LRRTM4: variants seen among roughly 807,000 people sequenced by gnomAD.
LRRTM4 encodes the protein leucine rich repeat transmembrane neuronal 4, also known as leucine-rich repeat transmembrane neuronal protein 4.
In LRRTM4, 25 loss-of-function variants were observed where a neutral mutation model predicts 47.6. The ratio of observed to expected loss-of-function variants is 0.53; its 90% CI spans 0.38 to 0.73. The LOEUF (loss-of-function observed/expected upper bound fraction) is 0.73, where lower values mean the gene tolerates loss of function less well. LRRTM4 is among the 30% of genes least tolerant of loss of function. The pLI is 0.00. For missense variants in LRRTM4, 638 were observed against 713.4 expected (o/e 0.89, Z 1.20); for synonymous variants, 311 against 269.5 (o/e 1.15, Z -1.51).
chr2:77,410,922 A>T, intron 3 of LRRTM4, among the ~76,000 whole-genome samples: 1 of 152,180 alleles, frequency 6.6e-6, no homozygotes, highest in East Asian at 1.9e-4. Flanking sequence ...TTTGCCAAAC[A>T]TTTGTTGGAA....
rs1491376302 is a variant in LRRTM4 at position 77,207,350 on chromosome 2, T to TTC, written c.1551+310967_1551+310968insGA. 6.2e-4 allele frequency among the ~76,000 whole-genome samples: 16 copies of TTC among 25,958 alleles called. No individual in the cohort carries two copies. In the South Asian group the frequency reaches 0.013, roughly 21 times the overall value. 17.0% of individuals were successfully genotyped at this position (25,958 alleles called of 152,430 possible). ...TGTTTTTCCTAATTTCATATATGTGTATATATATATATATATATATATACA... is the reference window on the plus strand; with the variant it reads ...TGTTTTTCCTAATTTCATATATGTGTTCATATATATATATATATATATATACA... On this transcript the variant is annotated intron_variant, in intron 3 of 3. Coordinates refer to ENST00000409884, the MANE Select transcript of LRRTM4 (RefSeq NM_001134745.3).
At chr2:77,267,857 G>A (rs927216488) in intron 3 of LRRTM4, among the ~76,000 whole-genome samples, 7 of 145,138 alleles carry the variant, frequency 4.8e-5, no homozygotes, top group African/African-American at 1.8e-4. Context: ...AAATGTCAGA[G>A]CACTGAGGCT....
chr2:76,940,482 A>G (rs1472419157), intron 3 of LRRTM4, among the ~76,000 whole-genome samples: 1 of 152,128 alleles, frequency 6.6e-6, no homozygotes, highest in Non-Finnish European at 1.5e-5. Flanking sequence ...ACTCAGGTCT[A>G]CCTGAGGGTG....
rs191168186 is a variant in LRRTM4, at chr2:76,998,358, A to G, written c.1552-249442T>C. Among the ~76,000 whole-genome samples, 3 of 152,120 alleles carry G rather than the reference A, an allele frequency of 2.0e-5. No individual in the cohort carries two copies. In the East Asian group the frequency reaches 5.8e-4, roughly 29 times the overall value. ...GAGCTGAGGGATTTGGATCATACTC[A>G]CAGCTGCCATGCAGTATCTTCCCAG... On this transcript the variant is annotated intron_variant, in intron 3 of 3. Transcript: ENST00000409884.
At chr2:77,262,972 T>C (rs965367601) in intron 3 of LRRTM4, among the ~76,000 whole-genome samples, 1 of 151,948 alleles carries the variant, frequency 6.6e-6, no homozygotes, top group Non-Finnish European at 1.5e-5. Context: ...TGATGGGAGG[T>C]TGGTTGCCAA....
intron 3 of LRRTM4, among the ~76,000 whole-genome samples, chr2:77,328,492 C>T (rs1486811184): frequency 6.6e-6 from 1 of 152,150 alleles, no homozygotes; most frequent in Non-Finnish European, 1.5e-5. Context: ...TCCTTTCACT[C>T]ATTGTCTCAT....
intron 3 of LRRTM4, among the ~76,000 whole-genome samples, chr2:77,181,178 G>A (rs550823703): frequency 4.5e-4 from 69 of 152,246 alleles, no homozygotes; most frequent in Non-Finnish European, 8.8e-5. Context: ...ACTGGGATGA[G>A]GTCAGGGTCT....
At chr2:77,287,765 C>T (rs1676705234) in intron 3 of LRRTM4, among the ~76,000 whole-genome samples, 1 of 152,104 alleles carries the variant, frequency 6.6e-6, no homozygotes, top group African/African-American at 2.4e-5. Flanking sequence ...TCCTATCTTA[C>T]AATTAGCTTC....
At chr2:77,123,874 A>G (rs1176571355) in intron 3 of LRRTM4, among the ~76,000 whole-genome samples, 1 of 152,098 alleles carries the variant, frequency 6.6e-6, no homozygotes, top group Non-Finnish European at 1.5e-5. Context: ...TTCCTAGCTC[A>G]TCTTCCTGGG....
At chr2:77,298,331 G>A (rs1677030141) in intron 3 of LRRTM4, among the ~76,000 whole-genome samples, 1 of 152,244 alleles carries the variant, frequency 6.6e-6, no homozygotes, top group South Asian at 2.1e-4. Flanking sequence ...CCGTCTCCCG[G>A]GTTCACGCCA....
intron 3 of LRRTM4, among the ~76,000 whole-genome samples, chr2:77,030,539 AATACTTCCAACAGGATTT>A (rs1678617038): frequency 6.6e-6 from 1 of 152,198 alleles, no homozygotes. Flanking sequence ...AGTGAATATA[AATACTTCCAACAGGATTT>A]ATACTTCCAG....
At chr2:77,295,227 C>T (rs964779115) in intron 3 of LRRTM4, among the ~76,000 whole-genome samples, 2 of 152,062 alleles carry the variant, frequency 1.3e-5, no homozygotes, top group Non-Finnish European at 2.9e-5. Flanking sequence ...ACTTTAAGAA[C>T]ACACCTACAG....
chr2:76,974,255 CACACACATACATAT>C (rs1676342512), intron 3 of LRRTM4, among the ~76,000 whole-genome samples: 1 of 138,100 alleles, frequency 7.2e-6, no homozygotes. Flanking sequence ...TATATATATA[CACACACATACATAT>C]ATATATGGAT....
At chr2:77,006,533 T>C (rs921403805) in intron 3 of LRRTM4, among the ~76,000 whole-genome samples, 2 of 152,150 alleles carry the variant, frequency 1.3e-5, no homozygotes, top group African/African-American at 4.8e-5. Flanking sequence ...AAGTCCTGTA[T>C]TCAATGCAGC....
chr2:77,261,211 A>C (rs528002885), intron 3 of LRRTM4, among the ~76,000 whole-genome samples: 5 of 152,144 alleles, frequency 3.3e-5, no homozygotes, highest in Non-Finnish European at 4.4e-5. Context: ...AAAGTAAGCC[A>C]AAGCGTAGTG....
chr2:77,036,655 A>G (rs1678848081), intron 3 of LRRTM4, among the ~76,000 whole-genome samples: 1 of 151,720 alleles, frequency 6.6e-6, no homozygotes, highest in South Asian at 2.1e-4. Flanking sequence ...ATTTCTTTGT[A>G]GTCTCCTAAG....
intron 3 of LRRTM4, among the ~76,000 whole-genome samples, chr2:76,818,457 GT>G (rs1460094213): frequency 6.6e-6 from 1 of 151,752 alleles, no homozygotes; most frequent in East Asian, 1.9e-4. Flanking sequence ...AACTAAAATG[GT>G]CTCTCAAACT....
In LRRTM4 at chr2:77,421,831, T is replaced by C. The variant is rs74567872; in HGVS notation, c.1551+96487A>G. On this transcript the variant is annotated intron_variant, in intron 3 of 3. Coordinates refer to ENST00000409884, the MANE Select transcript of LRRTM4 (RefSeq NM_001134745.3). ...ACACCAGGGTTGAGAAATCTTGAGA[T>C]AACGATATACAATCATGCAATGAAT... Among the ~76,000 whole-genome samples the C allele has an allele frequency of 2.8e-4, 43 of 152,296 alleles. No individual in the cohort carries two copies. The East Asian group carries it at 8.1e-3, about 29-fold the overall frequency.
At chr2:77,398,777 C>A (rs942973976) in intron 3 of LRRTM4, among the ~76,000 whole-genome samples, 1 of 151,660 alleles carries the variant, frequency 6.6e-6, no homozygotes, top group Admixed American at 6.6e-5. Flanking sequence ...CTGATAATGA[C>A]CTTATGGTCT....
Sources: gnomAD v4.1 joint callset for allele counts (sites outside exome capture counted in the v4.1 genomes callset) on GRCh38, gnomAD v4.1.1 for gene constraint, MANE v1.5 for transcripts, NCBI Gene and HGNC (gene_info 2026-07-23, HGNC 2026-07-21) for gene names.